Variants in PPL observed in about 807,000 individuals in gnomAD.
PPL encodes the protein 190 kDa paraneoplastic pemphigus antigen.
PPL carries 198 observed loss-of-function variants against 194.4 expected under a neutral mutation model. The ratio of observed to expected loss-of-function variants is 1.02; its 90% CI spans 0.91 to 1.15. The LOEUF is 1.15. Among genes scored for constraint, PPL ranks in the 50% most tolerant of loss-of-function variants. PPL has a pLI of 0.00. For missense variants in PPL, 2,885 were observed against 2,294.8 expected, an observed-to-expected ratio of 1.26 and a Z score of -5.25; for synonymous variants, 1,220 against 972.4, an observed-to-expected ratio of 1.25 and a Z score of -4.74.
chr16:4,890,546 G>A (rs1025509965), intron 17 of PPL, among the ~76,000 whole-genome samples, 182 bp downstream of exon 17: 3 of 152,210 alleles, frequency 2.0e-5, no homozygotes, highest in Non-Finnish European at 4.4e-5. Context: ...GATGCCCATT[G>A]TGGATTACAG....
rs139897639 is a variant in PPL at position 4,933,420 on chromosome 16, G to T, written c.62+3564C>A. On this transcript the variant is annotated intron_variant, in intron 1 of 21. Transcript: ENST00000345988. ...ATTCAACAAATTCAGAAGCGCTGGG[G>T]CTCAGGGATGCTATGTTTCTTTTCA... Among the ~76,000 whole-genome samples, 151 of 152,254 alleles carry T rather than the reference G, an allele frequency of 9.9e-4. 2 individuals carry two copies. The East Asian group carries it at 0.027, about 27-fold the overall frequency.
rs780336402 is a variant in PPL, at chr16:4,885,820, C to G, written c.2835G>C (p.Val945=). The G allele has an allele frequency of 1.2e-6, 2 of 1,608,408 alleles. No homozygotes were observed. The highest frequency in any genetic ancestry group is 8.5e-7 in the Non-Finnish European group (1 of 1,179,992). The change falls in exon 22 of 22, where the codon GTG becomes GTC. Residue 945 remains valine, a synonymous_variant. Transcript: ENST00000345988. The surrounding 1 kb of genome is among the most constrained non-coding windows in gnomAD (Gnocchi z 6.3). Reference sequence around the variant, plus strand: ...GCAGCTGCTGGAAGCTCTCCTCCAGCACGGGATCCGGCACCTTCTTGAGCA... The same window carrying G: ...GCAGCTGCTGGAAGCTCTCCTCCAGGACGGGATCCGGCACCTTCTTGAGCA... ...KEVLKKVPDP[V]LEESFQQLQR...
At chr16:4,913,844 C>T (rs1372103981) in intron 1 of PPL, among the ~76,000 whole-genome samples, 1 of 152,236 alleles carries the variant, frequency 6.6e-6, no homozygotes, top group Non-Finnish European at 1.5e-5. Context: ...CAGAAGTTGC[C>T]TTCTACTCAC....
At chr16:4,915,226 G>GC (rs547396152) in intron 1 of PPL, among the ~76,000 whole-genome samples, 56 of 152,334 alleles carry the variant, frequency 3.7e-4, no homozygotes, top group African/African-American at 1.2e-3. Context: ...AATGACCACT[G>GC]CCTCAGGGAC....
At chr16:4,889,445 G>A (rs1362470298) in intron 18 of PPL, among the ~76,000 whole-genome samples, 1 of 151,230 alleles carries the variant, frequency 6.6e-6, no homozygotes, top group African/African-American at 2.4e-5. Flanking sequence ...TTTTAGTAGA[G>A]ATTTGGTTTC....
At chr16:4,898,980 TG>T in intron 8 of PPL, 32 bp downstream of exon 8, 1 of 1,590,322 alleles carries the variant, frequency 6.3e-7, no homozygotes. Context: ...GAAGCCACCC[TG>T]GGGGAGGTGT....
At chr16:4,936,164 G>A (rs527785764) in intron 1 of PPL, among the ~76,000 whole-genome samples, 1 of 152,284 alleles carries the variant, frequency 6.6e-6, no homozygotes, top group Admixed American at 6.5e-5. Context: ...TCCCCTCCCA[G>A]GCCGCCCTGG....
chr16:4,888,975 C>A lies in PPL; in HGVS notation c.2397+3G>T, dbSNP rs367569138. 13 of 1,612,916 alleles carry A rather than the reference C, an allele frequency of 8.1e-6. No individual in the cohort carries two copies. The highest frequency in any genetic ancestry group is 7.6e-6 in the Non-Finnish European group (9 of 1,179,794). On this transcript the variant is annotated splice_donor_region_variant and intron_variant, in intron 19 of 21. Coordinates refer to ENST00000345988, the MANE Select transcript of PPL (RefSeq NM_002705.5). Reference sequence around the variant, plus strand: ...TGCTTTGGGCGGAAGTTTCCCGGCTCACCTTTACAGCTTGCTGGTACTGCT... The same window carrying A: ...TGCTTTGGGCGGAAGTTTCCCGGCTAACCTTTACAGCTTGCTGGTACTGCT...
At chr16:4,935,778 G>A (rs549352955) in intron 1 of PPL, among the ~76,000 whole-genome samples, 1 of 152,344 alleles carries the variant, frequency 6.6e-6, no homozygotes, top group African/African-American at 2.4e-5. Context: ...GACTGCAGGG[G>A]TTGAGTGGGA....
Position 4,902,379 on chromosome 16 carries a change from G to A in PPL, c.438+27C>T. 6.2e-7 allele frequency: 1 copy of A among 1,612,132 alleles called. No individual in the cohort carries two copies. The highest frequency in any genetic ancestry group is 8.5e-7 in the Non-Finnish European group (1 of 1,179,008). On this transcript the variant is annotated intron_variant, in intron 4 of 21. Coordinates refer to ENST00000345988, the MANE Select transcript of PPL (RefSeq NM_002705.5). This position sits in a 1 kb window ranked among gnomAD's most constrained non-coding sequence, Gnocchi z 4.0. ...AGCCCCCTCCCCAGCTGAAACCCTG[G>A]AGCCAGCGGCCCCGTCCAGGCCATA...
chr16:4,886,072 G>T (rs1308808611), intron 21 of PPL, 25 bp from the exon 22 acceptor site: 1 of 1,613,190 alleles, frequency 6.2e-7, no homozygotes, highest in Non-Finnish European at 8.5e-7. Context: ...ACAAGACAAG[G>T]TTAAAGCCAG....
At chr16:4,917,166 A>AC (rs1189722877) in intron 1 of PPL, among the ~76,000 whole-genome samples, 9 of 152,108 alleles carry the variant, frequency 5.9e-5, no homozygotes, top group Admixed American at 5.9e-4. Context: ...AAACAAAAAA[A>AC]CAAAAAAATC....
chr16:4,931,614 G>C (rs565372262), intron 1 of PPL, among the ~76,000 whole-genome samples: 1 of 152,188 alleles, frequency 6.6e-6, no homozygotes, highest in South Asian at 2.1e-4. Flanking sequence ...CGGTAACACC[G>C]GCACAGACCT....
chr16:4,915,719 T>C (rs1373070916), intron 1 of PPL, among the ~76,000 whole-genome samples: 2 of 152,308 alleles, frequency 1.3e-5, no homozygotes, highest in East Asian at 3.9e-4. Context: ...TAATACTTAC[T>C]CTCTACGTGC....
intron 1 of PPL, among the ~76,000 whole-genome samples, chr16:4,923,897 C>G (rs1027927324): frequency 3.3e-5 from 5 of 152,228 alleles, no homozygotes; most frequent in African/African-American, 1.2e-4. Flanking sequence ...GGCTCTTTGT[C>G]TGTTGTTCAC....
At chr16:4,906,666 A>T (rs1008384031) in intron 2 of PPL, among the ~76,000 whole-genome samples, 2 of 152,244 alleles carry the variant, frequency 1.3e-5, no homozygotes, top group African/African-American at 4.8e-5. Flanking sequence ...GTTCTCTCAA[A>T]ACACTGGCTG....
intron 8 of PPL, 56 bp from the exon 9 acceptor site, chr16:4,897,826 G>A: frequency 2.1e-6 from 3 of 1,420,960 alleles, no homozygotes; most frequent in Non-Finnish European, 3.0e-6. Context: ...GACACCAAGG[G>A]AGGGACTGCT....
chr16:4,930,426 C>T (rs2908663), intron 1 of PPL, among the ~76,000 whole-genome samples: 87,903 of 152,166 alleles, frequency 0.58, 27,802 homozygotes, highest in Non-Finnish European at 0.69. Context: ...CCCCATTCAT[C>T]CCCACCTCCG....
At position 4,884,704 on chromosome 16, in the gene PPL, C is replaced by T. The variant is rs1567983684; in HGVS notation, c.3951G>A (p.Glu1317=). ...CCAGATCCACTTGTTTCTTCTGCTC[C>T]TCTGAGAGCTTTGCCCTCAGAGACG... ...EVASLRAKLS[E]EQKKQVDLER... Residue 1317 remains glutamate, a synonymous_variant, in exon 22 of 22, where the codon GAG becomes GAA. Coordinates refer to ENST00000345988, the MANE Select transcript of PPL (RefSeq NM_002705.5). This position sits in a 1 kb window ranked among gnomAD's most constrained non-coding sequence, Gnocchi z 5.7. 1 of 1,614,156 alleles carries T rather than the reference C, an allele frequency of 6.2e-7. No individual in the cohort carries two copies. The highest frequency in any genetic ancestry group is 8.5e-7 in the Non-Finnish European group (1 of 1,180,034).
Sources: gnomAD v4.1 joint callset for allele counts (sites outside exome capture counted in the v4.1 genomes callset) on GRCh38, gnomAD v4.1.1 for gene constraint, Gnocchi (gnomAD v3.1) non-coding constraint, MANE v1.5 for transcripts, NCBI Gene and HGNC (gene_info 2026-07-23, HGNC 2026-07-21) for gene names.